TNS3: variants seen among roughly 807,000 people sequenced by gnomAD.
The protein encoded by TNS3 is tensin-3.
Under a neutral mutation model 140.9 loss-of-function variants are expected in TNS3, and 45 were observed. The observed-to-expected ratio is 0.32, with a 90% CI of 0.25 to 0.41. The LOEUF is 0.41. Ranked by LOEUF, TNS3 falls within the 10% of genes least tolerant of loss-of-function variation. The pLI is 1.00. For missense variants in TNS3, 1,716 were observed against 1,906.7 expected (o/e 0.90, Z 1.86); for synonymous variants, 815 against 788.4 (o/e 1.03, Z -0.56).
intron 4 of TNS3, chr7:47,453,349 G>C (rs1030752149): frequency 1.4e-6 from 1 of 703,352 alleles, no homozygotes; most frequent in Non-Finnish European, 1.7e-6. Flanking sequence ...CCACTAGGGA[G>C]AACCGCCTCT....
chr7:47,316,437 G>T (rs1787414357), intron 20 of TNS3, among the ~76,000 whole-genome samples: 1 of 152,094 alleles, frequency 6.6e-6, no homozygotes, highest in Non-Finnish European at 1.5e-5. Context: ...GATCAGATTA[G>T]ATGATTTCTA....
At chr7:47,468,339 G>A (rs923662347) in intron 4 of TNS3, among the ~76,000 whole-genome samples, 3 of 152,256 alleles carry the variant, frequency 2.0e-5, no homozygotes, top group Admixed American at 6.5e-5. Context: ...TACTCGGGAG[G>A]CTGAGGCATG....
At chr7:47,450,250 C>T (rs1263058620) in intron 4 of TNS3, among the ~76,000 whole-genome samples, 2 of 152,214 alleles carry the variant, frequency 1.3e-5, no homozygotes, top group Admixed American at 6.5e-5. Flanking sequence ...TTGACTTTAA[C>T]AGGCTTATCT....
chr7:47,399,430 C>T (rs975890225), intron 15 of TNS3, among the ~76,000 whole-genome samples: 3 of 152,136 alleles, frequency 2.0e-5, no homozygotes, highest in Admixed American at 6.5e-5. Flanking sequence ...GGACTTCAAA[C>T]TATACTAAAA....
intron 10 of TNS3, among the ~76,000 whole-genome samples, chr7:47,417,075 A>G (rs905583784): frequency 2.0e-5 from 3 of 152,348 alleles, no homozygotes; most frequent in African/African-American, 7.2e-5. Context: ...CACCTGGACC[A>G]GGCATCTAGG....
intron 5 of TNS3, 56 bp downstream of exon 5, chr7:47,441,947 A>G (rs2151578278): frequency 8.2e-7 from 1 of 1,220,846 alleles, no homozygotes; most frequent in Non-Finnish European, 1.1e-6. Context: ...TTTCCTCTGT[A>G]GAGAGCTGAC....
intron 2 of TNS3, among the ~76,000 whole-genome samples, chr7:47,524,433 G>A (rs935198031): frequency 6.6e-6 from 1 of 152,182 alleles, no homozygotes; most frequent in African/African-American, 2.4e-5. Flanking sequence ...CACGAACAGG[G>A]ACACAGCAGG....
intron 16 of TNS3, among the ~76,000 whole-genome samples, chr7:47,387,769 G>T (rs972117721): frequency 6.6e-6 from 1 of 152,222 alleles, no homozygotes; most frequent in Non-Finnish European, 1.5e-5. Context: ...GCCAGAGCAC[G>T]CACAAGTTCT....
At chr7:47,336,625 G>A (rs995759894) in intron 20 of TNS3, among the ~76,000 whole-genome samples, 20 of 152,200 alleles carry the variant, frequency 1.3e-4, no homozygotes, top group East Asian at 9.6e-4. Flanking sequence ...CACTTGGCAC[G>A]GAAGCCTTAT....
At chr7:47,403,842 G>C (rs944768073) in intron 13 of TNS3, among the ~76,000 whole-genome samples, 1 of 152,176 alleles carries the variant, frequency 6.6e-6, no homozygotes, top group Non-Finnish European at 1.5e-5. Context: ...AGGAGCAATG[G>C]CAAGAGATCA....
intron 1 of TNS3, among the ~76,000 whole-genome samples, chr7:47,545,875 A>T (rs1163875333): frequency 1.3e-5 from 2 of 152,128 alleles, no homozygotes; most frequent in African/African-American, 4.8e-5. Context: ...GCTGGTTAAA[A>T]ACATACCGAC....
chr7:47,483,877 A>G (rs1797516957), intron 3 of TNS3, among the ~76,000 whole-genome samples: 1 of 152,238 alleles, frequency 6.6e-6, no homozygotes, highest in Non-Finnish European at 1.5e-5. Context: ...TGTGCTGCAC[A>G]TTTTCACTGA....
At chr7:47,357,935 G>C (rs1449093649) in intron 17 of TNS3, among the ~76,000 whole-genome samples, 1 of 152,130 alleles carries the variant, frequency 6.6e-6, no homozygotes. Context: ...CCCATGTTTT[G>C]TAAGTCAACT....
At chr7:47,373,301 G>A (rs1791187107) in intron 16 of TNS3, among the ~76,000 whole-genome samples, 1 of 152,134 alleles carries the variant, frequency 6.6e-6, no homozygotes, top group Admixed American at 6.5e-5. Flanking sequence ...TTACAAAATG[G>A]AATGCTTCCT....
At chr7:47,401,283 T>A (rs1793149240) in intron 13 of TNS3, among the ~76,000 whole-genome samples, 1 of 152,226 alleles carries the variant, frequency 6.6e-6, no homozygotes, top group African/African-American at 2.4e-5. Context: ...AAAAATAGAA[T>A]TCCATGGTCT....
intron 27 of TNS3, among the ~76,000 whole-genome samples, chr7:47,287,228 G>A (rs1297065643): frequency 6.6e-6 from 1 of 152,040 alleles, no homozygotes; most frequent in Non-Finnish European, 1.5e-5. Flanking sequence ...ATATTCCTCT[G>A]CTTCAACAAG....
chr7:47,579,378 T>C (rs2152031052), intron 1 of TNS3: 1 of 152,150 alleles, frequency 6.6e-6, no homozygotes, highest in Non-Finnish European at 1.5e-5. Flanking sequence ...TGATAGCTCC[T>C]GCTGCATGGG....
At chr7:47,572,383 C>G (rs373711161) in intron 1 of TNS3, among the ~76,000 whole-genome samples, 3 of 152,196 alleles carry the variant, frequency 2.0e-5, no homozygotes, top group Non-Finnish European at 4.4e-5. Flanking sequence ...CAAACACCTT[C>G]GTGGGAAGAG....
At chr7:47,389,001 AG>A (rs145220007) in intron 16 of TNS3, among the ~76,000 whole-genome samples, 46,764 of 65,162 alleles carry the variant, frequency 0.72, 18,065 homozygotes, top group South Asian at 0.84. Flanking sequence ...AAGAAGAAGA[AG>A]GAAGAAGAAG....
Sources: gnomAD v4.1 joint callset for allele counts (sites outside exome capture counted in the v4.1 genomes callset) on GRCh38, gnomAD v4.1.1 for gene constraint, MANE v1.5 for transcripts, NCBI Gene and HGNC (gene_info 2026-07-23, HGNC 2026-07-21) for gene names.